Variants in TNS3 observed in about 807,000 individuals in gnomAD.
TNS3 encodes tensin 3, also known as tensin-3.
In TNS3, 45 loss-of-function variants were observed where a neutral mutation model predicts 140.9. The observed-to-expected ratio is 0.32, with a 90% CI of 0.25 to 0.41. The LOEUF (loss-of-function observed/expected upper bound fraction) is 0.41. Ranked by LOEUF, TNS3 falls within the 10% of genes least tolerant of loss-of-function variation. TNS3 has a pLI of 1.00. For synonymous variants in TNS3, 815 were observed against 788.4 expected (o/e 1.03, Z -0.56); for missense variants, 1,716 against 1,906.7 (o/e 0.90, Z 1.86).
chr7:47,543,371 T>C (rs1459359466), intron 1 of TNS3, among the ~76,000 whole-genome samples: 2 of 152,204 alleles, frequency 1.3e-5, no homozygotes, highest in African/African-American at 4.8e-5. Context: ...GGACTTTCGG[T>C]ACGTCAAGTC....
intron 17 of TNS3, among the ~76,000 whole-genome samples, chr7:47,365,444 CA>C (rs764220415): frequency 0.018 from 2,110 of 117,036 alleles, 38 homozygotes; most frequent in African/African-American, 0.056. Context: ...GACTCCATCT[CA>C]AAAAAAAAAA....
At chr7:47,556,546 A>G (rs534326464) in intron 1 of TNS3, among the ~76,000 whole-genome samples, 5 of 152,198 alleles carry the variant, frequency 3.3e-5, no homozygotes, top group African/African-American at 9.6e-5. Flanking sequence ...CTTAGGCCCA[A>G]TCCACAGGCG....
At chr7:47,555,050 C>A (rs1239701727) in intron 1 of TNS3, among the ~76,000 whole-genome samples, 2 of 151,738 alleles carry the variant, frequency 1.3e-5, no homozygotes, top group Non-Finnish European at 1.5e-5. Context: ...TGGAATCTAC[C>A]CTTGATAAAG....
At chr7:47,524,811 GAAAA>G (rs58986640) in intron 2 of TNS3, among the ~76,000 whole-genome samples, 7 of 93,014 alleles carry the variant, frequency 7.5e-5, no homozygotes, top group African/African-American at 4.1e-4. Flanking sequence ...TCCGTCTCAA[GAAAA>G]AAAAAAAAAA....
chr7:47,451,157 T>C (rs1389999647), intron 4 of TNS3, among the ~76,000 whole-genome samples: 2 of 151,876 alleles, frequency 1.3e-5, no homozygotes, highest in East Asian at 3.9e-4. Flanking sequence ...ATGGACGTCA[T>C]GTTAGGAATC....
intron 3 of TNS3, among the ~76,000 whole-genome samples, chr7:47,487,598 G>A (rs940491496): frequency 6.6e-6 from 1 of 152,090 alleles, no homozygotes; most frequent in Non-Finnish European, 1.5e-5. Context: ...CAAATCCGTG[G>A]GACAGCATTC....
intron 6 of TNS3, among the ~76,000 whole-genome samples, chr7:47,438,963 G>C (rs1231688358): frequency 6.6e-6 from 1 of 152,148 alleles, no homozygotes; most frequent in Non-Finnish European, 1.5e-5. Flanking sequence ...GCCAATCAGA[G>C]GGTGAGAGAT....
At chr7:47,382,584 T>C (rs1372650230) in intron 16 of TNS3, among the ~76,000 whole-genome samples, 2 of 152,180 alleles carry the variant, frequency 1.3e-5, no homozygotes, top group Admixed American at 1.3e-4. Context: ...CTTTTCACCC[T>C]GAAGGGTTGT....
intron 20 of TNS3, among the ~76,000 whole-genome samples, chr7:47,316,916 C>T (rs1267139250): frequency 2.0e-5 from 3 of 151,968 alleles, no homozygotes; most frequent in African/African-American, 7.3e-5. Flanking sequence ...TAATTAGTGA[C>T]CACCCCAACA....
intron 1 of TNS3, among the ~76,000 whole-genome samples, chr7:47,544,940 C>A (rs971397304): frequency 4.0e-5 from 6 of 151,856 alleles, no homozygotes; most frequent in South Asian, 2.1e-4. Flanking sequence ...GCAGAAGAAC[C>A]CTGCAGAGTT....
intron 16 of TNS3, among the ~76,000 whole-genome samples, chr7:47,381,270 C>G (rs1330397804): frequency 2.6e-5 from 4 of 152,238 alleles, no homozygotes; most frequent in Non-Finnish European, 4.4e-5. Context: ...CTCCTGGGAG[C>G]TGTCTCTCTG....
chr7:47,511,598 G>T (rs1300164928), intron 2 of TNS3, among the ~76,000 whole-genome samples: 1 of 151,724 alleles, frequency 6.6e-6, no homozygotes, highest in Non-Finnish European at 1.5e-5. Context: ...GGGTGCCCGA[G>T]ACCCGCAGCG....
In TNS3 at chr7:47,517,734, A is replaced by G. The variant is rs560237066; in HGVS notation, c.-152-10790T>C. 5.9e-5 allele frequency among the ~76,000 whole-genome samples: 9 copies of G among 152,336 alleles called. No individual in the cohort carries two copies. In the East Asian group the frequency reaches 1.5e-3, roughly 26 times the overall value. ...AAAGGAAAATCAACAGGAACCGTGGATTCAATCAGGATGACCTGAGGTACA... is the reference window on the plus strand; with the variant it reads ...AAAGGAAAATCAACAGGAACCGTGGGTTCAATCAGGATGACCTGAGGTACA... On this transcript the variant is annotated intron_variant, in intron 2 of 30. Transcript: ENST00000311160.
At chr7:47,373,181 G>A (rs942070054) in intron 16 of TNS3, among the ~76,000 whole-genome samples, 1 of 152,192 alleles carries the variant, frequency 6.6e-6, no homozygotes, top group African/African-American at 2.4e-5. Context: ...GTCGGACAAA[G>A]GAGACGGCCG....
chr7:47,460,774 A>C (rs1358915994), intron 4 of TNS3, among the ~76,000 whole-genome samples: 1 of 152,248 alleles, frequency 6.6e-6, no homozygotes, highest in Admixed American at 6.5e-5. Flanking sequence ...TGGTTAATGT[A>C]ACTAGGAAGA....
intron 4 of TNS3, among the ~76,000 whole-genome samples, chr7:47,478,593 T>C (rs1215416977): frequency 6.6e-6 from 1 of 152,130 alleles, no homozygotes; most frequent in African/African-American, 2.4e-5. Context: ...GATACATATA[T>C]TCACATGTGT....
At chr7:47,467,476 C>A (rs529576539) in intron 4 of TNS3, among the ~76,000 whole-genome samples, 2 of 152,210 alleles carry the variant, frequency 1.3e-5, no homozygotes, top group East Asian at 1.9e-4. Context: ...TTTAAAGAAA[C>A]CTGTTATAAA....
At chr7:47,292,947 G>A in intron 25 of TNS3, 42 bp from the exon 26 acceptor site, 2 of 1,565,778 alleles carry the variant, frequency 1.3e-6, no homozygotes, top group Non-Finnish European at 1.8e-6. Context: ...AACAACTGCT[G>A]TAGATGTTGT....
intron 1 of TNS3, among the ~76,000 whole-genome samples, chr7:47,533,520 G>C (rs887457695): frequency 4.0e-5 from 6 of 151,390 alleles, no homozygotes; most frequent in African/African-American, 1.5e-4. Flanking sequence ...ATCAGACAAA[G>C]TAGGCTACAG....
Sources: allele counts gnomAD v4.1 joint callset (sites outside exome capture counted in the v4.1 genomes callset), GRCh38; gene constraint gnomAD v4.1.1; transcripts MANE v1.5; gene names NCBI Gene and HGNC (gene_info 2026-07-23, HGNC 2026-07-21).